The following KIAA1549L variants were observed in gnomAD, a reference collection of about 807,000 sequenced individuals.
KIAA1549L encodes UPF0606 protein KIAA1549L.
Under a neutral mutation model 160.7 loss-of-function variants are expected in KIAA1549L, and 88 were observed. The ratio of observed to expected loss-of-function variants is 0.55; its 90% CI spans 0.46 to 0.65. KIAA1549L has a LOEUF of 0.65. Among genes scored for constraint, KIAA1549L ranks in the 30% least tolerant of loss-of-function variants. The probability of loss-of-function intolerance (pLI) is 0.00; values close to 1 mark genes in which losing one functional copy is unlikely to be tolerated. For missense variants in KIAA1549L, 2,258 were observed against 2,437.5 expected (o/e 0.93, Z 1.55); for synonymous variants, 950 against 976.7 (o/e 0.97, Z 0.51).
chr11:33,576,173 G>A (rs751705758), intron 10 of KIAA1549L, among the ~76,000 whole-genome samples: 1 of 152,150 alleles, frequency 6.6e-6, no homozygotes, highest in Non-Finnish European at 1.5e-5. Context: ...ATCTCCTATG[G>A]GTTTGCTTTC....
intron 11 of KIAA1549L, among the ~76,000 whole-genome samples, chr11:33,587,957 G>A (rs1259943606): frequency 2.6e-5 from 4 of 152,168 alleles, no homozygotes; most frequent in Admixed American, 1.3e-4. Flanking sequence ...GAAGGGCTGT[G>A]GGAAGACTCA....
rs370074703 is a variant in KIAA1549L, at chr11:33,550,998, T to C, written c.3502-42T>C. ...ATACCAGGAAGAACTTAAAGTGCTG[T>C]GGAAATAAACAATGGGTTTTGTGGG... is the stretch of plus-strand genomic sequence containing the variant. On this transcript the variant is annotated intron_variant, in intron 4 of 20. Coordinates refer to ENST00000658780, the MANE Select transcript of KIAA1549L (RefSeq NM_012194.3). 2.0e-6 allele frequency: 3 copies of C among 1,524,450 alleles called. No homozygotes were observed. The African/African-American group carries it at 4.1e-5, about 21-fold the overall frequency. 94.4% of individuals were successfully genotyped at this position (1,524,450 alleles called of 1,614,324 possible). A position where few individuals can be genotyped will look rare whatever the true frequency, so the allele number is the denominator to read the frequency against.
chr11:33,547,040 CT>C (rs1188783602), intron 3 of KIAA1549L, among the ~76,000 whole-genome samples: 6 of 152,248 alleles, frequency 3.9e-5, no homozygotes, highest in African/African-American at 1.4e-4. Flanking sequence ...GGAAAGAACA[CT>C]GTGGCTAAGA....
chr11:33,563,807 A>G (rs1854956963), intron 8 of KIAA1549L, among the ~76,000 whole-genome samples: 1 of 152,110 alleles, frequency 6.6e-6, no homozygotes, highest in African/African-American at 2.4e-5. Context: ...TGTTTTTTTT[A>G]ACATGGAGAT....
intron 6 of KIAA1549L, among the ~76,000 whole-genome samples, chr11:33,558,010 T>C (rs1406713599): frequency 6.6e-6 from 1 of 152,008 alleles, no homozygotes; most frequent in Non-Finnish European, 1.5e-5. Flanking sequence ...GTTTCCTGGG[T>C]GATGGATTTC....
chr11:33,526,124 C>G (rs578143938), intron 1 of KIAA1549L, among the ~76,000 whole-genome samples: 3 of 152,126 alleles, frequency 2.0e-5, no homozygotes, highest in African/African-American at 7.2e-5. Context: ...AAGTACTTAA[C>G]TTGGCCAACA....
intron 1 of KIAA1549L, among the ~76,000 whole-genome samples, chr11:33,530,089 G>C (rs2133145612): frequency 6.6e-6 from 1 of 151,980 alleles, no homozygotes; most frequent in Middle Eastern, 3.4e-3. Context: ...GCATCAAATA[G>C]TAAAAATTAA....
intron 10 of KIAA1549L, among the ~76,000 whole-genome samples, chr11:33,576,756 T>C (rs540633861): frequency 6.6e-6 from 1 of 152,196 alleles, no homozygotes; most frequent in Non-Finnish European, 1.5e-5. Context: ...AGGTGCTGGC[T>C]TGAGCATTGG....
At chr11:33,493,594 C>T (rs983123755) in intron 1 of KIAA1549L, among the ~76,000 whole-genome samples, 11 of 152,072 alleles carry the variant, frequency 7.2e-5, no homozygotes, top group African/African-American at 2.2e-4. Flanking sequence ...GAGAAAAGGA[C>T]GTGCATTTGT....
intron 1 of KIAA1549L, among the ~76,000 whole-genome samples, chr11:33,424,710 C>T (rs1851083788): frequency 1.3e-5 from 2 of 152,134 alleles, no homozygotes; most frequent in Non-Finnish European, 1.5e-5. Context: ...ACTCTGGGTA[C>T]TGATGAGAAG....
intron 17 of KIAA1549L, among the ~76,000 whole-genome samples, chr11:33,654,166 G>C (rs1777576488): frequency 6.6e-6 from 1 of 151,826 alleles, no homozygotes; most frequent in Admixed American, 6.5e-5. Context: ...TAGAGACGGG[G>C]TTTCACCATG....
At chr11:33,515,728 CTCAA>C (rs1314123175) in intron 1 of KIAA1549L, among the ~76,000 whole-genome samples, 2 of 152,204 alleles carry the variant, frequency 1.3e-5, no homozygotes, top group Non-Finnish European at 2.9e-5. Flanking sequence ...CATTTGGTTT[CTCAA>C]TCAGTCTTTA....
In KIAA1549L at chr11:33,542,517, T is replaced by C. The variant is rs774821486; in HGVS notation, c.954T>C (p.Ser318=). 1.2e-5 allele frequency: 20 copies of C among 1,613,320 alleles called. No homozygotes were observed. The highest frequency in any genetic ancestry group is 1.6e-5 in the Non-Finnish European group (19 of 1,179,362). The stretch of plus-strand genomic sequence containing the variant: ...TAGGCATCCCTCATCTAGGTGTTTC[T>C]GGATCCTCAACAAAATGGCATTCCG... ...DLIGIPHLGV[S]GSSTKWHSEL... Residue 318 remains serine, a synonymous_variant, in exon 2 of 21, where the codon TCT becomes TCC. Coordinates refer to ENST00000658780, the MANE Select transcript of KIAA1549L (RefSeq NM_012194.3).
In KIAA1549L at chr11:33,394,363, A is replaced by T. The variant is rs560817935; in HGVS notation, c.238+17474A>T. 2.0e-5 allele frequency among the ~76,000 whole-genome samples: 3 copies of T among 152,126 alleles called. No homozygotes were observed. In the South Asian group the frequency reaches 6.2e-4, roughly 32 times the overall value. On this transcript the variant is annotated intron_variant, in intron 1 of 20. Coordinates refer to ENST00000658780, the MANE Select transcript of KIAA1549L (RefSeq NM_012194.3). ...ATCATGCCACTACACCCCAGCCTGG[A>T]CAACAGAGCCAGATCCTAACTCATA...
intron 15 of KIAA1549L, among the ~76,000 whole-genome samples, chr11:33,617,798 TGGA>T (rs1850854476): frequency 6.6e-6 from 1 of 150,832 alleles, no homozygotes; most frequent in Admixed American, 6.6e-5. Flanking sequence ...GGTGGATGGA[TGGA>T]TGGATGGATG....
rs77181685 is a variant in KIAA1549L at position 33,447,177 on chromosome 11, G to A, written c.238+70288G>A. On this transcript the variant is annotated intron_variant, in intron 1 of 20. Transcript: ENST00000658780. ...CAAAGGAGAGTGTTCAGGGCAGAAG[G>A]AACTGTGCAGGTGGAAAGTCACAGA... 8.8e-3 allele frequency among the ~76,000 whole-genome samples: 1,344 copies of A among 152,236 alleles called. 22 individuals carry two copies. Among genetic ancestry groups the A allele is most frequent in the African/African-American group, 0.031 (1,292 of 41,522 alleles).
chr11:33,471,530 T>C (rs1460906421), intron 1 of KIAA1549L, among the ~76,000 whole-genome samples: 1 of 152,196 alleles, frequency 6.6e-6, no homozygotes, highest in African/African-American at 2.4e-5. Context: ...CTATCTCCAA[T>C]TGTTGATGCT....
At chr11:33,414,236 C>T (rs1293339708) in intron 1 of KIAA1549L, among the ~76,000 whole-genome samples, 1 of 152,158 alleles carries the variant, frequency 6.6e-6, no homozygotes, top group Non-Finnish European at 1.5e-5. Flanking sequence ...CCTTCAGAAT[C>T]ATACGAAAAT....
chr11:33,555,737 A>G (rs1422200963), intron 6 of KIAA1549L, among the ~76,000 whole-genome samples: 1 of 152,250 alleles, frequency 6.6e-6, no homozygotes, highest in African/African-American at 2.4e-5. Context: ...GAAAAACTTC[A>G]TGACACACAG....
Sources: allele counts gnomAD v4.1 joint callset (sites outside exome capture counted in the v4.1 genomes callset), GRCh38; gene constraint gnomAD v4.1.1; transcripts MANE v1.5; gene names NCBI Gene and HGNC (gene_info 2026-07-23, HGNC 2026-07-21).